ZBTB7C: variants seen among roughly 807,000 people sequenced by gnomAD.
The protein encoded by ZBTB7C is zinc finger and BTB domain-containing protein 7C.
Under a neutral mutation model 25.7 loss-of-function variants are expected in ZBTB7C, and 8 were observed. The observed-to-expected ratio is 0.31, with a 90% CI of 0.18 to 0.56. The LOEUF (loss-of-function observed/expected upper bound fraction) is 0.56. Among genes scored for constraint, ZBTB7C ranks in the 20% least tolerant of loss-of-function variants. The pLI is 0.91. For synonymous variants in ZBTB7C, 394 were observed against 369.0 expected (o/e 1.07, Z -0.78); for missense variants, 824 against 855.2 (o/e 0.96, Z 0.46).
intron 2 of ZBTB7C, among the ~76,000 whole-genome samples, chr18:48,218,114 C>T (rs2042868224): frequency 6.6e-6 from 1 of 152,154 alleles, no homozygotes; most frequent in Non-Finnish European, 1.5e-5. Flanking sequence ...ACACCGAACA[C>T]CAGGGTTCCG....
chr18:48,168,868 T>C (rs905360292), intron 3 of ZBTB7C, among the ~76,000 whole-genome samples: 2 of 152,236 alleles, frequency 1.3e-5, no homozygotes, highest in African/African-American at 2.4e-5. Context: ...AGAACACTTA[T>C]CACACCTTTC....
intron 1 of ZBTB7C, among the ~76,000 whole-genome samples, chr18:48,391,097 C>T (rs567215563): frequency 6.6e-6 from 1 of 152,328 alleles, no homozygotes; most frequent in South Asian, 2.1e-4. Flanking sequence ...AGTGAGTGAA[C>T]TGGAGCTTCA....
intron 3 of ZBTB7C, among the ~76,000 whole-genome samples, chr18:48,117,460 G>C (rs554683008): frequency 6.6e-6 from 1 of 152,322 alleles, no homozygotes; most frequent in South Asian, 2.1e-4. Flanking sequence ...GGGTGTCAGA[G>C]AGAGACCACG....
chr18:48,340,992 AGAAG>A (rs1468952099), intron 1 of ZBTB7C, among the ~76,000 whole-genome samples: 1 of 152,176 alleles, frequency 6.6e-6, no homozygotes, highest in Admixed American at 6.5e-5. Context: ...TTCTCATAAA[AGAAG>A]GAGGTGAGTC....
At chr18:48,310,186 C>T (rs1277701443) in intron 2 of ZBTB7C, among the ~76,000 whole-genome samples, 8 of 151,400 alleles carry the variant, frequency 5.3e-5, no homozygotes, top group South Asian at 2.1e-4. Flanking sequence ...GCCGAGATCA[C>T]GCCACTGCAC....
intron 3 of ZBTB7C, among the ~76,000 whole-genome samples, chr18:48,090,417 T>C (rs1264428115): frequency 6.6e-6 from 1 of 152,232 alleles, no homozygotes; most frequent in Non-Finnish European, 1.5e-5. Flanking sequence ...GACTTCCAGA[T>C]GCGATCCTGC....
At position 48,180,526 on chromosome 18, in the gene ZBTB7C, T is replaced by C. The variant is rs974388487; in HGVS notation, c.-17+5408A>G. On this transcript the variant is annotated intron_variant, in intron 3 of 4. Transcript: ENST00000590800. ...AGGCATGGGTGGTGTTTGGGAGGGA[T>C]GGTTTCCTTCTCTGGGGAAGTCTTG... 28 of 364,520 alleles carry C rather than the reference T, an allele frequency of 7.7e-5. No individual in the cohort carries two copies. In the East Asian group the frequency reaches 1.7e-3, roughly 22 times the overall value. The allele number at this position is 364,520 out of a possible 1,614,324, so 22.6% of individuals were successfully genotyped here. A position where few individuals can be genotyped will look rare whatever the true frequency, so the allele number is the denominator to read the frequency against.
At chr18:48,048,045 G>A (rs2036542040) in intron 3 of ZBTB7C, among the ~76,000 whole-genome samples, 2 of 152,186 alleles carry the variant, frequency 1.3e-5, no homozygotes, top group Admixed American at 1.3e-4. Context: ...AGGGCAGGGG[G>A]ATTTGGACCC....
At chr18:48,181,794 T>G (rs1038490364) in intron 3 of ZBTB7C, among the ~76,000 whole-genome samples, 1 of 152,236 alleles carries the variant, frequency 6.6e-6, no homozygotes, top group Admixed American at 6.5e-5. Flanking sequence ...CATAAACATC[T>G]GTAGCCTTCA....
intron 1 of ZBTB7C, among the ~76,000 whole-genome samples, chr18:48,364,386 C>T (rs765196103): frequency 6.6e-6 from 1 of 152,156 alleles, no homozygotes; most frequent in African/African-American, 2.4e-5. Context: ...GGAAAATCCA[C>T]CCACAGGAGG....
At chr18:48,396,627 G>A (rs980104251) in intron 1 of ZBTB7C, among the ~76,000 whole-genome samples, 2 of 152,168 alleles carry the variant, frequency 1.3e-5, no homozygotes, top group East Asian at 1.9e-4. Flanking sequence ...ATATGCAAAC[G>A]TGAGCCTTTG....
chr18:48,189,947 G>A (rs753825655), intron 2 of ZBTB7C, among the ~76,000 whole-genome samples: 20 of 152,198 alleles, frequency 1.3e-4, no homozygotes, highest in Non-Finnish European at 2.6e-4. Context: ...GGCTCTTCCC[G>A]ACAGGTGAGA....
At chr18:48,146,557 G>T (rs1245841981) in intron 3 of ZBTB7C, among the ~76,000 whole-genome samples, 2 of 152,156 alleles carry the variant, frequency 1.3e-5, no homozygotes, top group Non-Finnish European at 2.9e-5. Flanking sequence ...TTGCTAGCCT[G>T]CTAGATAATC....
At chr18:48,354,153 G>A (rs936108716) in intron 1 of ZBTB7C, among the ~76,000 whole-genome samples, 1 of 152,090 alleles carries the variant, frequency 6.6e-6, no homozygotes, top group African/African-American at 2.4e-5. Context: ...CTTTCTTTGA[G>A]GCCTGAACAA....
At chr18:48,342,736 G>A (rs528963443) in intron 1 of ZBTB7C, among the ~76,000 whole-genome samples, 44 of 152,132 alleles carry the variant, frequency 2.9e-4, no homozygotes, top group African/African-American at 9.2e-4. Context: ...ACAACCCAAC[G>A]GCTGGCAGAA....
intron 2 of ZBTB7C, among the ~76,000 whole-genome samples, chr18:48,254,659 A>G (rs1002168129): frequency 2.0e-5 from 3 of 152,148 alleles, no homozygotes; most frequent in African/African-American, 7.2e-5. Flanking sequence ...TACCCCAGAC[A>G]ACAATACAGC....
chr18:48,300,220 A>C (rs985734095), intron 2 of ZBTB7C, among the ~76,000 whole-genome samples: 20 of 152,198 alleles, frequency 1.3e-4, no homozygotes, highest in African/African-American at 4.6e-4. Context: ...TGCAAGCATC[A>C]GTATATTTTA....
rs547113743 is a variant in ZBTB7C at position 48,268,595 on chromosome 18, G to GT, written c.-79+69578dup. On this transcript the variant is annotated intron_variant, in intron 2 of 4. Transcript: ENST00000590800. The stretch of plus-strand genomic sequence containing the variant: ...TATCAAGGGTAATCAGATATCAAGG[G>GT]TGGGGGGGATTCTCAATAAACTGGC... 4.5e-3 allele frequency among the ~76,000 whole-genome samples: 692 copies of GT among 152,270 alleles called. 2 individuals are homozygous for GT. Among genetic ancestry groups the GT allele is most frequent in the African/African-American group, 0.016 (656 of 41,554 alleles).
intron 3 of ZBTB7C, among the ~76,000 whole-genome samples, chr18:48,173,319 T>C (rs2041556409): frequency 1.3e-5 from 2 of 152,188 alleles, no homozygotes; most frequent in Admixed American, 1.3e-4. Flanking sequence ...TGATATTAAC[T>C]CTGGGAAGTG....
Sources: allele counts gnomAD v4.1 joint callset (sites outside exome capture counted in the v4.1 genomes callset), GRCh38; gene constraint gnomAD v4.1.1; transcripts MANE v1.5; gene names NCBI Gene and HGNC (gene_info 2026-07-23, HGNC 2026-07-21).